The following NKAIN3 variants were observed in gnomAD, a reference collection of about 807,000 sequenced individuals.
The protein encoded by NKAIN3 is sodium/potassium-transporting ATPase subunit beta-1-interacting protein 3.
In NKAIN3, 25 loss-of-function variants were observed where a neutral mutation model predicts 30.2. The ratio of observed to expected loss-of-function variants is 0.83; its 90% CI spans 0.60 to 1.16. The LOEUF is 1.16. Among genes scored for constraint, NKAIN3 ranks in the 50% most tolerant of loss-of-function variants. The probability of loss-of-function intolerance (pLI) is 0.00; values close to 1 mark genes in which losing one functional copy is unlikely to be tolerated. For missense variants in NKAIN3, 225 were observed against 254.1 expected (o/e 0.89, Z 0.78); for synonymous variants, 91 against 89.6 (o/e 1.02, Z -0.09).
chr8:62,947,928 G>A (rs933162042), intron 5 of NKAIN3, among the ~76,000 whole-genome samples: 1 of 152,202 alleles, frequency 6.6e-6, no homozygotes, highest in Non-Finnish European at 1.5e-5. Context: ...GCTAGGCTCT[G>A]CTCAGACGTG....
At chr8:62,637,514 G>A (rs564743658) in intron 3 of NKAIN3, among the ~76,000 whole-genome samples, 5 of 152,096 alleles carry the variant, frequency 3.3e-5, no homozygotes, top group Non-Finnish European at 7.4e-5. Context: ...ATGCTCCCAG[G>A]GAATGTTCTC....
At chr8:62,304,457 A>T (rs972034009) in intron 1 of NKAIN3, among the ~76,000 whole-genome samples, 5 of 150,450 alleles carry the variant, frequency 3.3e-5, no homozygotes, top group Non-Finnish European at 5.9e-5. Context: ...AAATTATTAT[A>T]GACATTTTGG....
chr8:62,773,784 G>A (rs1394834653), intron 4 of NKAIN3, among the ~76,000 whole-genome samples: 1 of 152,140 alleles, frequency 6.6e-6, no homozygotes, highest in Non-Finnish European at 1.5e-5. Context: ...CCAGCTATGT[G>A]GAACTGTGAG....
chr8:62,853,768 C>G (rs1431069417), intron 4 of NKAIN3, among the ~76,000 whole-genome samples: 3 of 152,086 alleles, frequency 2.0e-5, no homozygotes, highest in Non-Finnish European at 4.4e-5. Flanking sequence ...TCTTGGTTCT[C>G]TGGTTCTTTT....
At chr8:62,555,586 T>C (rs1014095977) in intron 1 of NKAIN3, among the ~76,000 whole-genome samples, 14 of 151,960 alleles carry the variant, frequency 9.2e-5, no homozygotes, top group African/African-American at 2.7e-4. Flanking sequence ...GGGAATAGAA[T>C]GAGAAGTTCT....
At chr8:62,287,496 A>G (rs1813416456) in intron 1 of NKAIN3, among the ~76,000 whole-genome samples, 1 of 152,136 alleles carries the variant, frequency 6.6e-6, no homozygotes, top group Non-Finnish European at 1.5e-5. Context: ...AGGCTTATTT[A>G]TATAGTCATA....
chr8:62,882,054 G>A (rs573137625), intron 4 of NKAIN3, among the ~76,000 whole-genome samples: 4 of 152,294 alleles, frequency 2.6e-5, no homozygotes, highest in African/African-American at 9.6e-5. Context: ...CTTGTTTGGT[G>A]AGCTGTGTAT....
rs183498295 is a variant in NKAIN3 at position 62,802,020 on chromosome 8, T to G, written c.471+54891T>G. Among the ~76,000 whole-genome samples the G allele has an allele frequency of 5.4e-3, 815 of 151,996 alleles. 3 individuals are homozygous for G. The highest frequency in any genetic ancestry group is 0.018 in the African/African-American group (754 of 41,446). On this transcript the variant is annotated intron_variant, in intron 4 of 6. Coordinates refer to ENST00000623646, the MANE Select transcript of NKAIN3 (RefSeq NM_001304533.3). ...GATCAACTGGAAGAAAGGGTATCAG[T>G]GATGGAAGATGAAATGATTGAAATG...
intron 3 of NKAIN3, among the ~76,000 whole-genome samples, chr8:62,694,436 G>C (rs1814089795): frequency 6.6e-6 from 1 of 152,184 alleles, no homozygotes; most frequent in African/African-American, 2.4e-5. Flanking sequence ...ATTGTGTTAA[G>C]TGAAATAAGC....
At chr8:62,300,651 A>G (rs758798169) in intron 1 of NKAIN3, among the ~76,000 whole-genome samples, 3 of 152,146 alleles carry the variant, frequency 2.0e-5, no homozygotes, top group Non-Finnish European at 4.4e-5. Context: ...TAATTGTTAG[A>G]ATTTATCTTA....
intron 1 of NKAIN3, among the ~76,000 whole-genome samples, chr8:62,451,731 G>A (rs950219552): frequency 2.0e-5 from 3 of 151,966 alleles, no homozygotes; most frequent in Non-Finnish European, 4.4e-5. Flanking sequence ...TTCTTGATTT[G>A]CATACTTTAT....
chr8:62,504,304 T>G, intron 1 of NKAIN3, among the ~76,000 whole-genome samples: 1 of 152,224 alleles, frequency 6.6e-6, no homozygotes, highest in South Asian at 2.1e-4. Flanking sequence ...TAAAACCTAC[T>G]TTGCAGAATA....
At chr8:62,876,812 G>A (rs923750513) in intron 4 of NKAIN3, among the ~76,000 whole-genome samples, 1 of 152,036 alleles carries the variant, frequency 6.6e-6, no homozygotes, top group African/African-American at 2.4e-5. Flanking sequence ...GGCCTATTGA[G>A]GGGTGGGGGT....
chr8:62,829,138 A>G (rs1207278604), intron 4 of NKAIN3, among the ~76,000 whole-genome samples: 1 of 152,198 alleles, frequency 6.6e-6, no homozygotes, highest in African/African-American at 2.4e-5. Flanking sequence ...CAGAACTTAA[A>G]CCATTCTTCA....
intron 3 of NKAIN3, among the ~76,000 whole-genome samples, chr8:62,612,054 CT>C (rs61567307): frequency 6.6e-6 from 1 of 151,934 alleles, no homozygotes; most frequent in African/African-American, 2.4e-5. Flanking sequence ...TGCTAAACAC[CT>C]TTTTCATAAG....
chr8:62,855,712 C>A, intron 4 of NKAIN3: 1 of 1,573,742 alleles, frequency 6.4e-7, no homozygotes, highest in Non-Finnish European at 8.7e-7. Context: ...AGCGGAGCTT[C>A]TGAACGATAG....
At chr8:62,695,987 C>T (rs907512049) in intron 3 of NKAIN3, among the ~76,000 whole-genome samples, 1 of 152,106 alleles carries the variant, frequency 6.6e-6, no homozygotes, top group African/African-American at 2.4e-5. Flanking sequence ...TATGTATGCA[C>T]ACACTTATAG....
At chr8:62,732,106 A>G (rs1815487181) in intron 3 of NKAIN3, among the ~76,000 whole-genome samples, 1 of 152,126 alleles carries the variant, frequency 6.6e-6, no homozygotes, top group South Asian at 2.1e-4. Flanking sequence ...AATTTAAAAA[A>G]TGTTTTAATA....
chr8:62,733,909 T>C (rs193153357), intron 3 of NKAIN3, among the ~76,000 whole-genome samples: 2 of 152,350 alleles, frequency 1.3e-5, no homozygotes, highest in African/African-American at 2.4e-5. Flanking sequence ...ATGTTTTTAA[T>C]CTCTAGAAGT....
Sources: allele counts gnomAD v4.1 joint callset (sites outside exome capture counted in the v4.1 genomes callset), GRCh38; gene constraint gnomAD v4.1.1; transcripts MANE v1.5; gene names NCBI Gene and HGNC (gene_info 2026-07-23, HGNC 2026-07-21).